Variants in GNG7 observed in about 807,000 individuals in gnomAD.
The protein encoded by GNG7 is G protein subunit gamma 7.
In GNG7, 1 loss-of-function variant was observed where a neutral mutation model predicts 4.0. The ratio of observed to expected loss-of-function variants is 0.25; its 90% CI spans 0.09 to 1.18. The LOEUF is 1.18. Among genes scored for constraint, GNG7 ranks in the 50% most tolerant of loss-of-function variants. The pLI is 0.50. For synonymous variants in GNG7, 34 were observed against 36.9 expected (o/e 0.92, Z 0.29); for missense variants, 86 against 91.9 (o/e 0.94, Z 0.26).
intron 1 of GNG7, among the ~76,000 whole-genome samples, chr19:2,686,005 C>T (rs928246796): frequency 6.6e-6 from 1 of 152,154 alleles, no homozygotes; most frequent in Admixed American, 6.6e-5. Context: ...CAGCCCCCAC[C>T]GATATCCTGC....
At chr19:2,593,602 G>A (rs1263715066) in intron 2 of GNG7, among the ~76,000 whole-genome samples, 1 of 151,898 alleles carries the variant, frequency 6.6e-6, no homozygotes, top group East Asian at 1.9e-4. Flanking sequence ...AAATTAGCCG[G>A]GCATGGGGGC....
intron 1 of GNG7, among the ~76,000 whole-genome samples, chr19:2,695,377 AG>A (rs1913220482): frequency 6.6e-6 from 1 of 152,024 alleles, no homozygotes; most frequent in African/African-American, 2.4e-5. Flanking sequence ...CCCTGGGCTC[AG>A]GCCCCTCTGA....
chr19:2,657,399 T>TATATACACACAC (rs1332253018), intron 1 of GNG7, among the ~76,000 whole-genome samples: 1 of 80,740 alleles, frequency 1.2e-5, no homozygotes, highest in African/African-American at 6.2e-5. Context: ...TATATATATA[T>TATATACACACAC]ACACATAATA....
At chr19:2,515,967 C>A (rs576640630) in intron 4 of GNG7, among the ~76,000 whole-genome samples, 2 of 151,974 alleles carry the variant, frequency 1.3e-5, no homozygotes, top group East Asian at 3.9e-4. Flanking sequence ...GTAATCCCAA[C>A]ATGTTGGGAG....
At chr19:2,530,100 C>G (rs995542883) in intron 3 of GNG7, among the ~76,000 whole-genome samples, 26 of 152,272 alleles carry the variant, frequency 1.7e-4, no homozygotes, top group African/African-American at 5.1e-4. Flanking sequence ...AACCCACTCT[C>G]TTGCTGAGGT....
At chr19:2,539,600 C>A (rs1321325890) in intron 3 of GNG7, among the ~76,000 whole-genome samples, 3 of 152,060 alleles carry the variant, frequency 2.0e-5, no homozygotes, top group Non-Finnish European at 1.5e-5. Flanking sequence ...ACACTGCGCC[C>A]GGCCATAAGC....
intron 3 of GNG7, among the ~76,000 whole-genome samples, chr19:2,554,752 G>A (rs998629125): frequency 1.3e-5 from 2 of 151,512 alleles, no homozygotes; most frequent in Non-Finnish European, 2.9e-5. Flanking sequence ...ACGGGGTTTC[G>A]CTGTGTTGGT....
At chr19:2,569,357 G>C (rs1266793970) in intron 2 of GNG7, among the ~76,000 whole-genome samples, 4 of 152,044 alleles carry the variant, frequency 2.6e-5, no homozygotes, top group Admixed American at 2.6e-4. Flanking sequence ...CTCACTGCAA[G>C]CTCCGCCTCC....
chr19:2,541,780 C>T (rs975391805), intron 3 of GNG7, among the ~76,000 whole-genome samples: 55 of 150,840 alleles, frequency 3.6e-4, no homozygotes, highest in Non-Finnish European at 6.6e-4. Context: ...TGGGTGTGGT[C>T]GCACAAGCCT....
intron 2 of GNG7, among the ~76,000 whole-genome samples, chr19:2,596,475 T>A (rs1981023978): frequency 6.6e-6 from 1 of 151,982 alleles, no homozygotes; most frequent in Non-Finnish European, 1.5e-5. Context: ...CAGACCAGCC[T>A]GGGTAACATA....
intron 1 of GNG7, among the ~76,000 whole-genome samples, chr19:2,651,187 C>G (rs1170304586): frequency 6.6e-5 from 10 of 152,118 alleles, no homozygotes; most frequent in Admixed American, 5.2e-4. Context: ...GCCCTCCCCA[C>G]TGTGTCCTGG....
At chr19:2,624,783 C>A (rs1361418749) in intron 2 of GNG7, among the ~76,000 whole-genome samples, 2 of 152,224 alleles carry the variant, frequency 1.3e-5, no homozygotes, top group African/African-American at 2.4e-5. Flanking sequence ...CTGGTAATTA[C>A]CCCCAGGCAG....
At chr19:2,629,914 G>A (rs61358815) in intron 2 of GNG7, among the ~76,000 whole-genome samples, 10,834 of 152,174 alleles carry the variant, frequency 0.071, 446 homozygotes, top group African/African-American at 0.12. Context: ...CTATGGTTAC[G>A]TAAGATGTCA....
intron 1 of GNG7, among the ~76,000 whole-genome samples, chr19:2,646,693 A>T (rs1009900627): frequency 6.6e-6 from 1 of 151,908 alleles, no homozygotes; most frequent in Non-Finnish European, 1.5e-5. Flanking sequence ...TCAAAAAAAA[A>T]AATAATAGAA....
intron 2 of GNG7, among the ~76,000 whole-genome samples, chr19:2,607,036 C>G (rs1050414344): frequency 6.6e-6 from 1 of 151,532 alleles, no homozygotes; most frequent in African/African-American, 2.4e-5. Flanking sequence ...GCCTGGGCAA[C>G]ACAGCGAGAC....
Position 2,638,809 on chromosome 19 carries a change from T to C in GNG7, c.-78+7415A>G, listed in dbSNP as rs80099021. ...GCTTCCTCCGTGAGCCCCACTAGCA[T>C]AGTTAAATTTCAAGTAGTTCAGAAT... On this transcript the variant is annotated intron_variant, in intron 2 of 4. Coordinates refer to ENST00000382159, the MANE Select transcript of GNG7 (RefSeq NM_052847.3). Among the ~76,000 whole-genome samples, 662 of 152,182 alleles carry C rather than the reference T, an allele frequency of 4.4e-3. 9 individuals carry two copies. The highest frequency in any genetic ancestry group is 0.015 in the African/African-American group (618 of 41,506).
chr19:2,596,697 C>A (rs535472208), intron 2 of GNG7, among the ~76,000 whole-genome samples: 1 of 146,798 alleles, frequency 6.8e-6, no homozygotes, highest in Admixed American at 6.8e-5. Flanking sequence ...GGGCAAATAT[C>A]GACCCAGTTG....
chr19:2,679,991 G>A (rs1424352431), intron 1 of GNG7, among the ~76,000 whole-genome samples: 2 of 152,056 alleles, frequency 1.3e-5, no homozygotes, highest in Non-Finnish European at 2.9e-5. Flanking sequence ...AAACCCACAG[G>A]GAGAAAAACA....
At chr19:2,693,172 A>G (rs979415593) in intron 1 of GNG7, among the ~76,000 whole-genome samples, 1 of 150,156 alleles carries the variant, frequency 6.7e-6, no homozygotes, top group East Asian at 2.0e-4. Context: ...AGTCCCAGCT[A>G]CTCTGGAGGC....
Sources: allele counts gnomAD v4.1 joint callset (sites outside exome capture counted in the v4.1 genomes callset), GRCh38; gene constraint gnomAD v4.1.1; transcripts MANE v1.5; gene names NCBI Gene and HGNC (gene_info 2026-07-23, HGNC 2026-07-21).